The following KYNU variants were observed in gnomAD, a reference collection of about 807,000 sequenced individuals.
The protein encoded by KYNU is L-kynurenine hydrolase.
KYNU carries 54 observed loss-of-function variants against 59.2 expected under a neutral mutation model. The observed-to-expected ratio is 0.91, with a 90% confidence interval of 0.73 to 1.14. The LOEUF (loss-of-function observed/expected upper bound fraction) is 1.14. Among genes scored for constraint, KYNU ranks in the 50% most tolerant of loss-of-function variants. The pLI, the probability that KYNU is intolerant of heterozygous loss-of-function variation, is 0.00. For missense variants in KYNU, 567 were observed against 554.4 expected (o/e 1.02, Z -0.23); for synonymous variants, 177 against 192.0 (o/e 0.92, Z 0.65).
intron 2 of KYNU, among the ~76,000 whole-genome samples, chr2:142,918,014 A>G (rs1418059793): frequency 6.6e-6 from 1 of 152,224 alleles, no homozygotes; most frequent in Non-Finnish European, 1.5e-5. Context: ...GGTTAACTGT[A>G]GGATAAAAAT....
In KYNU at chr2:142,877,740, A is replaced by G. The variant is rs1023274590; in HGVS notation, c.-20+4A>G. On this transcript the variant is annotated splice_donor_region_variant and intron_variant, in intron 1 of 13. Transcript: ENST00000264170. ...CACTCCATTGGGATCCTAGCTGGTAAGCTTGAGGCGCTGATAAAAACTCTC... is the reference window on the plus strand; with the variant it reads ...CACTCCATTGGGATCCTAGCTGGTAGGCTTGAGGCGCTGATAAAAACTCTC... The G allele has an allele frequency of 6.6e-6, 1 of 152,154 alleles. No homozygotes were observed. The highest frequency in any genetic ancestry group is 6.5e-5 in the Admixed American group (1 of 15,268). 9.4% of individuals were successfully genotyped at this position (152,154 alleles called of 1,614,324 possible). A position where few individuals can be genotyped will look rare whatever the true frequency, so the allele number is the denominator to read the frequency against.
chr2:143,026,185 A>C (rs1286115832), intron 10 of KYNU, among the ~76,000 whole-genome samples: 1 of 152,188 alleles, frequency 6.6e-6, no homozygotes, highest in Non-Finnish European at 1.5e-5. Context: ...CTAGAATCAC[A>C]CTCAAAATAT....
intron 10 of KYNU, among the ~76,000 whole-genome samples, chr2:143,015,357 A>G (rs1403888427): frequency 6.6e-6 from 1 of 152,140 alleles, no homozygotes; most frequent in Non-Finnish European, 1.5e-5. Flanking sequence ...CAAATTACCT[A>G]TCCTGTATGC....
At chr2:142,960,380 TCAAG>T (rs1334437152) in intron 7 of KYNU, among the ~76,000 whole-genome samples, 1 of 152,142 alleles carries the variant, frequency 6.6e-6, no homozygotes, top group Non-Finnish European at 1.5e-5. Flanking sequence ...GGAGAATAAA[TCAAG>T]CAATTCGGCT....
intron 3 of KYNU, among the ~76,000 whole-genome samples, chr2:142,924,279 T>C (rs114624024): frequency 0.01 from 1,536 of 152,034 alleles, 21 homozygotes; most frequent in African/African-American, 0.036. Context: ...TAATTTTTTC[T>C]TTAATTTTGT....
At chr2:142,991,100 AT>A (rs2105171805) in intron 10 of KYNU, among the ~76,000 whole-genome samples, 1 of 152,062 alleles carries the variant, frequency 6.6e-6, no homozygotes, top group East Asian at 1.9e-4. Flanking sequence ...ACTTTATACC[AT>A]GCTTGTCCCA....
chr2:143,028,256 T>TTTA (rs1402138003), intron 10 of KYNU, among the ~76,000 whole-genome samples: 10 of 141,124 alleles, frequency 7.1e-5, no homozygotes, highest in African/African-American at 2.6e-4. Flanking sequence ...TTTTTTTTTT[T>TTTA]TTTTTTTGAG....
chr2:142,958,943 C>T (rs1348566531), intron 7 of KYNU, among the ~76,000 whole-genome samples: 1 of 151,984 alleles, frequency 6.6e-6, no homozygotes, highest in African/African-American at 2.4e-5. Context: ...GCCAAGTTAT[C>T]AATTTTACTT....
intron 3 of KYNU, among the ~76,000 whole-genome samples, chr2:142,921,800 A>G (rs921845193): frequency 1.4e-5 from 2 of 143,758 alleles, no homozygotes; most frequent in African/African-American, 5.2e-5. Context: ...CAGCAAGACC[A>G]TGTCTTTAAA....
intron 4 of KYNU, among the ~76,000 whole-genome samples, chr2:142,949,996 T>G (rs1290649010): frequency 6.6e-6 from 1 of 152,132 alleles, no homozygotes; most frequent in African/African-American, 2.4e-5. Flanking sequence ...CCCTCTCAAG[T>G]TCAAAGTTCC....
chr2:142,906,365 G>T (rs531412070), intron 2 of KYNU, among the ~76,000 whole-genome samples: 1 of 152,316 alleles, frequency 6.6e-6, no homozygotes, highest in East Asian at 1.9e-4. Context: ...GTCGGGGGAT[G>T]CTGGGTAGAA....
At chr2:142,922,477 G>C (rs1057262717) in intron 3 of KYNU, among the ~76,000 whole-genome samples, 45 of 152,172 alleles carry the variant, frequency 3.0e-4, no homozygotes, top group African/African-American at 1.1e-3. Context: ...CTGCACTCCA[G>C]CCTGGGCAGC....
intron 8 of KYNU, among the ~76,000 whole-genome samples, chr2:142,961,787 T>C (rs1866620): frequency 0.16 from 24,799 of 152,208 alleles, 2,486 homozygotes; most frequent in East Asian, 0.33. Context: ...ACAATTTGTG[T>C]TTAAAATCTT....
In KYNU at chr2:142,879,701, T is replaced by A. The variant is rs559866242; in HGVS notation, c.-20+1965T>A. On this transcript the variant is annotated intron_variant, in intron 1 of 13. Transcript: ENST00000264170. ...CCTACTGTGCACTCTGCTATCCTTT[T>A]AGTCCACTGGTTTCTACTCTGTCTG... The A allele has an allele frequency of 7.2e-5, 11 of 152,348 alleles. No homozygotes were observed. In the South Asian group the frequency reaches 2.3e-3, roughly 32 times the overall value. The allele number at this position is 152,348 out of a possible 1,614,324, so 9.4% of individuals were successfully genotyped here. A position where few individuals can be genotyped will look rare whatever the true frequency, so the allele number is the denominator to read the frequency against.
intron 10 of KYNU, among the ~76,000 whole-genome samples, chr2:143,024,378 G>A (rs1037490839): frequency 2.0e-5 from 3 of 151,870 alleles, no homozygotes; most frequent in Admixed American, 6.5e-5. Flanking sequence ...ATGTCATTTT[G>A]TTATAGTTTC....
intron 12 of KYNU, among the ~76,000 whole-genome samples, chr2:143,035,210 TG>T (rs1263155079): frequency 1.3e-5 from 2 of 152,216 alleles, no homozygotes; most frequent in Non-Finnish European, 2.9e-5. Context: ...TGTAGTTTTT[TG>T]TACAGATAAA....
At chr2:143,014,131 C>G (rs1415204161) in intron 10 of KYNU, among the ~76,000 whole-genome samples, 1 of 152,232 alleles carries the variant, frequency 6.6e-6, no homozygotes, top group Non-Finnish European at 1.5e-5. Flanking sequence ...AAGATTATGG[C>G]ACCAATTTGG....
At chr2:142,912,593 G>A (rs12474744) in intron 2 of KYNU, among the ~76,000 whole-genome samples, 54,854 of 150,454 alleles carry the variant, frequency 0.36, 10,209 homozygotes, top group South Asian at 0.55. Context: ...TGGTCAGGCT[G>A]GTCTCGAACT....
At chr2:142,969,467 T>C (rs888389056) in intron 8 of KYNU, among the ~76,000 whole-genome samples, 1 of 152,020 alleles carries the variant, frequency 6.6e-6, no homozygotes, top group African/African-American at 2.4e-5. Flanking sequence ...CTTAAATCCA[T>C]GCAGGTGGAA....
Sources: gnomAD v4.1 joint callset for allele counts (sites outside exome capture counted in the v4.1 genomes callset) on GRCh38, gnomAD v4.1.1 for gene constraint, MANE v1.5 for transcripts, NCBI Gene and HGNC (gene_info 2026-07-23, HGNC 2026-07-21) for gene names.